Variants in LDB2 observed in about 807,000 individuals in gnomAD.
The protein encoded by LDB2 is LIM domain-binding protein 2.
In LDB2, 12 loss-of-function variants were observed where a neutral mutation model predicts 44.3. The ratio of observed to expected loss-of-function variants is 0.27; its 90% CI spans 0.17 to 0.44. The LOEUF is 0.44. Among genes scored for constraint, LDB2 ranks in the 20% least tolerant of loss-of-function variants. LDB2 has a pLI of 1.00. For missense variants in LDB2, 344 were observed against 473.5 expected, an observed-to-expected ratio of 0.73 and a Z score of 2.54; for synonymous variants, 164 against 174.8, an observed-to-expected ratio of 0.94 and a Z score of 0.49.
intron 1 of LDB2, among the ~76,000 whole-genome samples, chr4:16,795,075 A>G (rs1385128126): frequency 1.3e-5 from 2 of 152,218 alleles, no homozygotes; most frequent in Middle Eastern, 3.2e-3. Context: ...GCTTGAAAAT[A>G]GGATCTCGAT....
intron 5 of LDB2, among the ~76,000 whole-genome samples, chr4:16,528,593 G>A (rs915766526): frequency 2.6e-5 from 4 of 152,160 alleles, no homozygotes; most frequent in East Asian, 3.9e-4. Flanking sequence ...CAGGGCCTTC[G>A]GCCAGCCTTG....
chr4:16,558,605 G>T (rs181071099), intron 5 of LDB2, among the ~76,000 whole-genome samples: 2,880 of 152,278 alleles, frequency 0.019, 39 homozygotes, highest in Non-Finnish European at 0.032. Flanking sequence ...GAAAGTGACG[G>T]GGAGAATGGA....
At chr4:16,865,700 G>A (rs773022816) in intron 1 of LDB2, among the ~76,000 whole-genome samples, 8 of 152,206 alleles carry the variant, frequency 5.3e-5, no homozygotes, top group South Asian at 2.1e-4. Context: ...CTCTTTGCAC[G>A]TGGCTGTCTA....
At chr4:16,648,530 G>T (rs1334980244) in intron 2 of LDB2, among the ~76,000 whole-genome samples, 3 of 152,174 alleles carry the variant, frequency 2.0e-5, no homozygotes, top group African/African-American at 7.2e-5. Context: ...AACACATCAT[G>T]TGGTCATTCC....
At chr4:16,845,577 A>G (rs1017349166) in intron 1 of LDB2, among the ~76,000 whole-genome samples, 3 of 152,136 alleles carry the variant, frequency 2.0e-5, no homozygotes, top group African/African-American at 4.8e-5. Flanking sequence ...TATTATCCCA[A>G]CATCTACTGT....
chr4:16,526,632 G>T (rs976920214), intron 5 of LDB2, among the ~76,000 whole-genome samples: 38 of 152,354 alleles, frequency 2.5e-4, no homozygotes, highest in African/African-American at 8.7e-4. Context: ...GAAGGATTCA[G>T]AAGGTAGAAT....
intron 2 of LDB2, among the ~76,000 whole-genome samples, chr4:16,722,347 C>A (rs1248700301): frequency 6.6e-6 from 1 of 152,118 alleles, no homozygotes; most frequent in Non-Finnish European, 1.5e-5. Flanking sequence ...GGAATTCCAA[C>A]CCACATTTAA....
intron 1 of LDB2, among the ~76,000 whole-genome samples, chr4:16,885,653 C>T (rs189307485): frequency 3.9e-5 from 6 of 152,332 alleles, no homozygotes; most frequent in East Asian, 1.9e-4. Context: ...TTAATTCAAG[C>T]TTCCTCTTCC....
At chr4:16,874,387 T>C (rs1717730574) in intron 1 of LDB2, among the ~76,000 whole-genome samples, 1 of 152,222 alleles carries the variant, frequency 6.6e-6, no homozygotes, top group African/African-American at 2.4e-5. Context: ...ATCAATCTGA[T>C]GTCTCAATGC....
At chr4:16,692,909 TGTGA>T (rs1351135932) in intron 2 of LDB2, among the ~76,000 whole-genome samples, 5 of 152,232 alleles carry the variant, frequency 3.3e-5, no homozygotes, top group Admixed American at 3.3e-4. Context: ...ATTCCTCTGC[TGTGA>T]GTGTGTGCAT....
At chr4:16,561,224 T>C (rs895286611) in intron 5 of LDB2, among the ~76,000 whole-genome samples, 4 of 152,092 alleles carry the variant, frequency 2.6e-5, no homozygotes, top group African/African-American at 7.2e-5. Context: ...CCAGGGCAAT[T>C]AGGCAGGAGA....
At chr4:16,556,425 G>A (rs1424648051) in intron 5 of LDB2, among the ~76,000 whole-genome samples, 1 of 152,130 alleles carries the variant, frequency 6.6e-6, no homozygotes, top group Non-Finnish European at 1.5e-5. Flanking sequence ...GAACCCCCAG[G>A]CTTTGGAATA....
intron 2 of LDB2, among the ~76,000 whole-genome samples, chr4:16,688,073 C>T (rs1281529246): frequency 4.6e-5 from 7 of 152,130 alleles, no homozygotes; most frequent in African/African-American, 1.2e-4. Context: ...CAAAGACTTA[C>T]GTGAATTATT....
At chr4:16,702,360 G>T (rs1467602389) in intron 2 of LDB2, among the ~76,000 whole-genome samples, 1 of 152,166 alleles carries the variant, frequency 6.6e-6, no homozygotes, top group Non-Finnish European at 1.5e-5. Flanking sequence ...TGAAAAGTCT[G>T]AACTGCATGC....
chr4:16,767,586 A>G (rs1400487225), intron 1 of LDB2, among the ~76,000 whole-genome samples: 1 of 152,194 alleles, frequency 6.6e-6, no homozygotes, highest in African/African-American at 2.4e-5. Flanking sequence ...GCGAGTGTTT[A>G]GTGAATATTA....
At chr4:16,566,232 A>AG (rs1167070670) in intron 5 of LDB2, among the ~76,000 whole-genome samples, 4 of 152,264 alleles carry the variant, frequency 2.6e-5, no homozygotes, top group Admixed American at 1.3e-4. Context: ...AATCCTGAAA[A>AG]GAAGAATGAT....
At chr4:16,726,075 A>C (rs546851569) in intron 2 of LDB2, among the ~76,000 whole-genome samples, 3 of 151,598 alleles carry the variant, frequency 2.0e-5, no homozygotes, top group Non-Finnish European at 4.4e-5. Flanking sequence ...TAAAATTTTT[A>C]TTTTAACATT....
Position 16,588,742 on chromosome 4 carries a change from CTCGGTATTG to C in LDB2, c.490_498del (p.Gln164_Arg166del). The C allele has an allele frequency of 6.2e-7, 1 of 1,613,914 alleles. No individual in the cohort carries two copies. The highest frequency in any genetic ancestry group is 8.5e-7 in the Non-Finnish European group (1 of 1,179,882). ...GCTAGGATGCTTCTCGGGACTAACTCTCGGTATTGTCTAATGGTAAAGTGCCATGTTTTG... is the reference window on the plus strand; with the variant it reads ...GCTAGGATGCTTCTCGGGACTAACTCTCTAATGGTAAAGTGCCATGTTTTG... On this transcript the variant is annotated inframe_deletion, in exon 4 of 8. Transcript: ENST00000304523.
intron 1 of LDB2, among the ~76,000 whole-genome samples, chr4:16,826,914 C>T (rs1054935556): frequency 1.3e-4 from 20 of 152,112 alleles, no homozygotes; most frequent in African/African-American, 4.6e-4. Flanking sequence ...TGCAACAACT[C>T]GGCGGGTAAT....
Sources: allele counts gnomAD v4.1 joint callset (sites outside exome capture counted in the v4.1 genomes callset), GRCh38; gene constraint gnomAD v4.1.1; transcripts MANE v1.5; gene names NCBI Gene and HGNC (gene_info 2026-07-23, HGNC 2026-07-21).